Variants in ERI2 observed in about 807,000 individuals in gnomAD.
ERI2 encodes the protein ERI1 exoribonuclease family member 2, also known as ERI1 exoribonuclease 2.
A neutral mutation model predicts 46.8 loss-of-function variants in ERI2; 35 were observed. The observed-to-expected ratio is 0.75, with a 90% confidence interval of 0.57 to 0.99. ERI2 has a LOEUF of 0.99. ERI2 is among the 50% of genes least tolerant of loss of function. ERI2 has a pLI of 0.00. For synonymous variants in ERI2, 224 were observed against 271.0 expected (o/e 0.83, Z 1.70); for missense variants, 695 against 796.2 (o/e 0.87, Z 1.53).
chr16:20,804,119 G>T (rs1479386324), intron 1 of ERI2, among the ~76,000 whole-genome samples: 1 of 151,506 alleles, frequency 6.6e-6, no homozygotes, highest in Non-Finnish European at 1.5e-5. Context: ...CCCTCAAAGT[G>T]CTGGGATTAC....
At position 20,796,403 on chromosome 16, in the gene ERI2, T is replaced by G. The variant is rs747665704; in HGVS notation, c.*1321A>C. 17 of 1,613,742 alleles carry G rather than the reference T, an allele frequency of 1.1e-5. No individual in the cohort carries two copies. The highest frequency in any genetic ancestry group is 1.3e-5 in the African/African-American group (1 of 74,996). On this transcript the variant is annotated 3_prime_UTR_variant, in exon 9 of 9. Coordinates refer to ENST00000357967, the MANE Select transcript of ERI2 (RefSeq NM_001142725.2). Reference sequence around the variant, plus strand: ...GGCTTTTGTCGTTCTAAATCCTGATTACAAGTCACATGATCAAGAACAACT... The same window carrying G: ...GGCTTTTGTCGTTCTAAATCCTGATGACAAGTCACATGATCAAGAACAACT...
intron 6 of ERI2, 22 bp from the exon 7 acceptor site, chr16:20,800,060 A>G: frequency 7.1e-7 from 1 of 1,415,438 alleles, no homozygotes; most frequent in Non-Finnish European, 9.8e-7. Context: ...AAAAAGATAT[A>G]TTTAAAAGAA....
downstream of ERI2, among the ~76,000 whole-genome samples, chr16:20,794,933 C>A (rs2080688275): frequency 6.6e-6 from 1 of 152,112 alleles, no homozygotes; most frequent in Non-Finnish European, 1.5e-5. Flanking sequence ...AGAGACTATC[C>A]AAGTTGTAGA....
intron 5 of ERI2, chr16:20,800,727 C>A: frequency 5.0e-6 from 1 of 198,546 alleles, no homozygotes; most frequent in East Asian, 1.1e-4. Flanking sequence ...TTTATAGTAA[C>A]TGGAAACCAA....
chr16:20,780,950 C>T (rs1350934272), intron 10 of ERI2: 1 of 1,613,630 alleles, frequency 6.2e-7, no homozygotes. Flanking sequence ...CTATGTACAT[C>T]AGGGCTACTC....
At chr16:20,804,819 T>G (rs2080836877) in intron 1 of ERI2, among the ~76,000 whole-genome samples, 1 of 152,132 alleles carries the variant, frequency 6.6e-6, no homozygotes, top group Non-Finnish European at 1.5e-5. Flanking sequence ...GAGTGGGAAG[T>G]GCCAGGATTT....
Position 20,803,634 on chromosome 16 carries a change from T to G in ERI2, c.60A>C (p.Pro20=). The G allele has an allele frequency of 6.2e-7, 1 of 1,614,162 alleles. No homozygotes were observed. The highest frequency in any genetic ancestry group is 1.7e-5 in the Admixed American group (1 of 60,024). ...LGLIRRKSIA[P]ANGNLGRSKS... is the part of the protein sequence containing the mutation. The stretch of plus-strand genomic sequence containing the variant: ...TGCTTCTTCCGAGATTTCCATTTGC[T>G]GGCGCAATTGACTTTCTCCTAATTA... The change falls in exon 2 of 9, where the codon CCA becomes CCC. Residue 20 remains proline (P), a synonymous_variant. Transcript: ENST00000357967.
chr16:20,783,876 C>T (rs2080409536), intron 10 of ERI2, among the ~76,000 whole-genome samples: 1 of 151,208 alleles, frequency 6.6e-6, no homozygotes, highest in Non-Finnish European at 1.5e-5. Context: ...GGCACAATCT[C>T]GGCTCACTGC....
In ERI2 at chr16:20,806,439, C is replaced by T; in HGVS notation, c.-9G>A. 1.9e-6 allele frequency: 3 copies of T among 1,553,480 alleles called. No homozygotes were observed. The highest frequency in any genetic ancestry group is 2.6e-6 in the Non-Finnish European group (3 of 1,148,232). On this transcript the variant is annotated 5_prime_UTR_variant, in exon 1 of 9. In the 5' UTR this introduces an upstream ATG that the reference lacks. Coordinates refer to ENST00000357967, the MANE Select transcript of ERI2 (RefSeq NM_001142725.2). ...AGCCGCTTGGTCGCCATTCCCGACA[C>T]TCCTTGCTTTTCCAAGTCCAGCTGC...
Position 20,797,794 on chromosome 16 carries a change from T to C in ERI2, c.2006A>G (p.His669Arg). ...AATACTTAAATTTCTGTCACAAATA[T>C]GGCTTGTTTCTGGAGAACTAAAAGT... is the stretch of plus-strand genomic sequence containing the variant. ...GLTFSSPETS[H>R]ICDRNLSIST... Residue 669 changes from histidine to arginine, a missense_variant, in exon 9 of 9, where the codon CAT (histidine) becomes CGT (arginine). His to Arg is a conservative substitution (Grantham distance 29). Transcript: ENST00000357967. The C allele has an allele frequency of 1.9e-6, 3 of 1,551,194 alleles. No individual in the cohort carries two copies. Among genetic ancestry groups the C allele is most frequent in the Non-Finnish European group, 1.7e-6 (2 of 1,146,812 alleles).
Position 20,806,357 on chromosome 16 carries a change from C to T in ERI2, c.23+51G>A, listed in dbSNP as rs755241530. ...CCGTGCCCTGCTCTGCGGCCAACGC[C>T]AGCGCTGGACCCGGAGCTACCCGCC... On this transcript the variant is annotated intron_variant, in intron 1 of 8. Coordinates refer to ENST00000357967, the MANE Select transcript of ERI2 (RefSeq NM_001142725.2). 3.9e-6 allele frequency: 6 copies of T among 1,546,646 alleles called. No homozygotes were observed. In the African/African-American group the frequency reaches 8.2e-5, roughly 21 times the overall value.
chr16:20,800,006 A>T lies in ERI2; in HGVS notation c.594T>A (p.Ser198Arg), dbSNP rs2080779397. The change falls in exon 7 of 9, where the codon AGT (serine) becomes AGA (arginine). Residue 198 changes from serine (S) to arginine (R), a missense_variant. Ser to Arg is a moderately radical substitution (Grantham distance 110). Coordinates refer to ENST00000357967, the MANE Select transcript of ERI2 (RefSeq NM_001142725.2). ...LFYRRKPKGL[S>R]GALQEVGIEF... Reference sequence around the variant, plus strand: ...CTATTCCTACTTCCTGCAAGGCACCACTTAGTCCTTTTGGTTTTCTCCTAT... The same window carrying T: ...CTATTCCTACTTCCTGCAAGGCACCTCTTAGTCCTTTTGGTTTTCTCCTAT... The T allele has an allele frequency of 1.2e-6, 2 of 1,604,760 alleles. No homozygotes were observed. The highest frequency in any genetic ancestry group is 1.7e-6 in the Non-Finnish European group (2 of 1,173,976).
At chr16:20,796,110 G>A, downstream of ERI2, 1 of 385,786 alleles carries the variant, frequency 2.6e-6, no homozygotes. Context: ...AACTCAGCGT[G>A]ACTACTGTTT....
chr16:20,800,254 C>T, intron 6 of ERI2, 48 bp downstream of exon 6: 2 of 1,321,756 alleles, frequency 1.5e-6, no homozygotes, highest in East Asian at 4.6e-5. Flanking sequence ...AAAAGTTAAT[C>T]ATTTTTCCAT....
At chr16:20,788,859 G>T (rs537608069) in intron 10 of ERI2, among the ~76,000 whole-genome samples, 2 of 152,204 alleles carry the variant, frequency 1.3e-5, no homozygotes, top group East Asian at 1.9e-4. Context: ...ATAACTGGGT[G>T]GGAATTTATA....
intron 10 of ERI2, chr16:20,781,566 T>C: frequency 4.1e-6 from 3 of 731,068 alleles, no homozygotes; most frequent in Non-Finnish European, 7.1e-6. Context: ...CTGCAGACAC[T>C]GAGGGATGAT....
chr16:20,793,567 C>A (rs2080651828), downstream of ERI2, among the ~76,000 whole-genome samples: 1 of 152,016 alleles, frequency 6.6e-6, no homozygotes, highest in Non-Finnish European at 1.5e-5. Flanking sequence ...ATTCCCCTAA[C>A]TGATCTTTGA....
At position 20,799,278 on chromosome 16, in the gene ERI2, T is replaced by A. The variant is rs1363310419; in HGVS notation, c.717A>T (p.Thr239=). The stretch of plus-strand genomic sequence containing the variant: ...CACTACTAACCTTGTTCAACGACCT[T>A]GTAATTTTCATTACACAACCATCTC... ...MIRDGCVMKI[T]RSLNKVPTKK... is the part of the protein sequence containing the mutation. The change falls in exon 8 of 9, where the codon ACA becomes ACT. Residue 239 remains threonine, a synonymous_variant. Transcript: ENST00000357967. The A allele has an allele frequency of 1.2e-6, 2 of 1,613,606 alleles. No individual in the cohort carries two copies. The highest frequency in any genetic ancestry group is 1.7e-6 in the Non-Finnish European group (2 of 1,179,746).
chr16:20,785,188 T>C (rs1437851432), intron 10 of ERI2: 21 of 1,542,922 alleles, frequency 1.4e-5, no homozygotes, highest in Non-Finnish European at 1.8e-5. Context: ...AGTCTCCTTA[T>C]GATTATTTGA....
Sources: gnomAD v4.1 joint callset for allele counts (sites outside exome capture counted in the v4.1 genomes callset) on GRCh38, gnomAD v4.1.1 for gene constraint, MANE v1.5 for transcripts, NCBI Gene and HGNC (gene_info 2026-07-23, HGNC 2026-07-21) for gene names.